EZH2: variants seen among roughly 807,000 people sequenced by gnomAD.
EZH2 encodes histone-lysine N-methyltransferase EZH2.
Under a neutral mutation model 98.4 loss-of-function variants are expected in EZH2, and 18 were observed. The ratio of observed to expected loss-of-function variants is 0.18; its 90% CI spans 0.13 to 0.27. The LOEUF is 0.27. Among genes scored for constraint, EZH2 ranks in the 10% least tolerant of loss-of-function variants. The pLI, the probability that EZH2 is intolerant of heterozygous loss-of-function variation, is 1.00. For synonymous variants in EZH2, 338 were observed against 312.3 expected, an observed-to-expected ratio of 1.08 and a Z score of -0.87; for missense variants, 470 against 935.1, an observed-to-expected ratio of 0.50 and a Z score of 6.49.
At chr7:148,853,066 A>C (rs1451707114) in intron 1 of EZH2, among the ~76,000 whole-genome samples, 1 of 152,112 alleles carries the variant, frequency 6.6e-6, no homozygotes, top group African/African-American at 2.4e-5. Flanking sequence ...AAGAGGGGAG[A>C]GGGTACATGG....
intron 13 of EZH2, among the ~76,000 whole-genome samples, chr7:148,815,241 T>C (rs1804234224): frequency 6.6e-6 from 1 of 152,318 alleles, no homozygotes. Context: ...ATGAGTTCCA[T>C]CTAAAGCACG....
At chr7:148,808,771 T>TAA (rs1802235913) in intron 19 of EZH2, among the ~76,000 whole-genome samples, 1 of 152,016 alleles carries the variant, frequency 6.6e-6, no homozygotes, top group African/African-American at 2.4e-5. Flanking sequence ...GCTCCACGAG[T>TAA]GAGCATGCAG....
intron 9 of EZH2, chr7:148,818,928 C>A (rs548726884): frequency 2.6e-6 from 1 of 388,148 alleles, no homozygotes; most frequent in Non-Finnish European, 5.2e-6. Context: ...CAGCAGCCAA[C>A]AGTTTTATAC....
intron 1 of EZH2, among the ~76,000 whole-genome samples, chr7:148,851,600 G>A (rs1585193575): frequency 1.3e-5 from 2 of 152,298 alleles, no homozygotes; most frequent in East Asian, 3.9e-4. Context: ...ACGTACAGTG[G>A]TTCAAGCCTG....
Position 148,839,591 on chromosome 7 carries a change from T to C in EZH2, c.247-6841A>G, listed in dbSNP as rs542391049. Among the ~76,000 whole-genome samples the C allele has an allele frequency of 2.0e-4, 31 of 152,254 alleles. No individual in the cohort carries two copies. In the South Asian group the frequency reaches 6.4e-3, roughly 32 times the overall value. On this transcript the variant is annotated intron_variant, in intron 3 of 19. Coordinates refer to ENST00000320356, the MANE Select transcript of EZH2 (RefSeq NM_004456.5). ...CTATTTTTTTTTGTTTTTTGTTTTT[T>C]TGAGATTGAGTCTTGTGATCTCGGC...
chr7:148,832,582 T>G, intron 4 of EZH2, 52 bp downstream of exon 4: 1 of 977,486 alleles, frequency 1.0e-6, no homozygotes, highest in Non-Finnish European at 1.6e-6. Context: ...CTATGCTTTT[T>G]TACTTCAAAT....
At chr7:148,843,574 GGAGTAT>G (rs911254348) in intron 3 of EZH2, among the ~76,000 whole-genome samples, 2 of 145,382 alleles carry the variant, frequency 1.4e-5, no homozygotes, top group African/African-American at 5.1e-5. Context: ...ACTACAAATG[GGAGTAT>G]AAGTTTTTTT....
Position 148,854,983 on chromosome 7 carries a change from A to C in EZH2, c.-7-7678T>G, listed in dbSNP as rs913517259. Among the ~76,000 whole-genome samples the C allele has an allele frequency of 2.0e-5, 3 of 152,374 alleles. No individual in the cohort carries two copies. In the East Asian group the frequency reaches 5.8e-4, roughly 29 times the overall value. ...TAAAAATTAATTACTTAAGAGAAAC[A>C]GATCCTATGCCTGAGGGGGAATATA... On this transcript the variant is annotated intron_variant, in intron 1 of 19. Coordinates refer to ENST00000320356, the MANE Select transcript of EZH2 (RefSeq NM_004456.5).
At chr7:148,814,530 C>A (rs973030704) in intron 14 of EZH2, among the ~76,000 whole-genome samples, 1 of 152,198 alleles carries the variant, frequency 6.6e-6, no homozygotes, top group African/African-American at 2.4e-5. Flanking sequence ...ATGCTACATT[C>A]CTTTAATCTG....
chr7:148,818,121 C>A lies in EZH2; in HGVS notation c.1000-4G>T. ...CAGCAAACTCCTTTGCTCCCTCCTA[C>A]GAAATGAAAAATGTCAACATCAGGG... On this transcript the variant is annotated splice_region_variant and splice_polypyrimidine_tract_variant and intron_variant, in intron 9 of 19. Transcript: ENST00000320356. 3 of 1,543,460 alleles carry A rather than the reference C, an allele frequency of 1.9e-6. No homozygotes were observed. Among genetic ancestry groups the A allele is most frequent in the South Asian group, 1.2e-5 (1 of 80,110 alleles).
intron 17 of EZH2, among the ~76,000 whole-genome samples, chr7:148,809,618 TATTA>T (rs1397998120): frequency 6.6e-6 from 1 of 150,500 alleles, no homozygotes; most frequent in Non-Finnish European, 1.5e-5. Context: ...ACTCAAAAGC[TATTA>T]ATTATCAACT....
At chr7:148,874,325 T>C (rs534071672) in intron 1 of EZH2, among the ~76,000 whole-genome samples, 1 of 151,876 alleles carries the variant, frequency 6.6e-6, no homozygotes, top group Non-Finnish European at 1.5e-5. Flanking sequence ...GAGGTGGAGG[T>C]TGCAGTAAGC....
intron 1 of EZH2, among the ~76,000 whole-genome samples, chr7:148,866,385 C>G (rs1369126656): frequency 7.3e-5 from 11 of 151,578 alleles, no homozygotes. Flanking sequence ...GGGAGTTATT[C>G]CCAGCTTGCC....
intron 1 of EZH2, chr7:148,883,176 C>T (rs572068700): frequency 7.9e-5 from 12 of 152,318 alleles, no homozygotes; most frequent in Admixed American, 3.9e-4. Flanking sequence ...GATTACGATT[C>T]TTTAGAAAGT....
chr7:148,817,022 A>G lies in EZH2; in HGVS notation c.1410+200T>C, dbSNP rs966004296. The G allele has an allele frequency of 8.1e-6, 5 of 618,296 alleles. No individual in the cohort carries two copies. The African/African-American group carries it at 9.2e-5, about 11-fold the overall frequency. 38.3% of individuals were successfully genotyped at this position (618,296 alleles called of 1,614,324 possible). ...TAAAAGCTACTGCTATCTAACCTTA[A>G]AAGTCTACATTGGGGAAATTCTGTA... On this transcript the variant is annotated intron_variant, in intron 11 of 19. Coordinates refer to ENST00000320356, the MANE Select transcript of EZH2 (RefSeq NM_004456.5).
At chr7:148,835,034 G>A (rs757866722) in intron 3 of EZH2, among the ~76,000 whole-genome samples, 11 of 152,182 alleles carry the variant, frequency 7.2e-5, no homozygotes, top group East Asian at 1.9e-4. Context: ...TGCAACACCC[G>A]TGAGCTTAAT....
intron 3 of EZH2, among the ~76,000 whole-genome samples, chr7:148,835,286 G>C (rs956444666): frequency 9.9e-5 from 15 of 152,082 alleles, no homozygotes; most frequent in Non-Finnish European, 2.1e-4. Context: ...AGCCCAGCAA[G>C]GTAGCACGTG....
chr7:148,840,397 G>A (rs1349022694), intron 3 of EZH2, among the ~76,000 whole-genome samples: 1 of 151,512 alleles, frequency 6.6e-6, no homozygotes, highest in African/African-American at 2.4e-5. Context: ...AAAATGGAAA[G>A]GATGTATATC....
intron 4 of EZH2, among the ~76,000 whole-genome samples, chr7:148,831,384 C>A (rs1809344100): frequency 6.6e-6 from 1 of 152,124 alleles, no homozygotes; most frequent in African/African-American, 2.4e-5. Flanking sequence ...TCTATCTAAG[C>A]CAAAATCAAG....
Sources: gnomAD v4.1 joint callset for allele counts (sites outside exome capture counted in the v4.1 genomes callset) on GRCh38, gnomAD v4.1.1 for gene constraint, MANE v1.5 for transcripts, NCBI Gene and HGNC (gene_info 2026-07-23, HGNC 2026-07-21) for gene names.